Variants in ITGB8 observed in about 807,000 individuals in gnomAD.
ITGB8 encodes integrin beta-8.
In ITGB8, 30 loss-of-function variants were observed where a neutral mutation model predicts 89.5. The ratio of observed to expected loss-of-function variants is 0.34; its 90% CI spans 0.25 to 0.45. The LOEUF (loss-of-function observed/expected upper bound fraction) is 0.45, where lower values mean the gene tolerates loss of function less well. Ranked by LOEUF, ITGB8 falls within the 20% of genes least tolerant of loss-of-function variation. ITGB8 has a pLI of 1.00. For missense variants in ITGB8, 836 were observed against 933.3 expected, an observed-to-expected ratio of 0.90 and a Z score of 1.36; for synonymous variants, 335 against 320.4, an observed-to-expected ratio of 1.05 and a Z score of -0.49.
Position 20,401,715 on chromosome 7 carries a change from A to AT in ITGB8, c.1282-3dup, listed in dbSNP as rs1202823713. ...AAATATATTTCCTTTTTCCTCCTAA[A>AT]TTTAGGTTCTTTTCAATGTAACAGT... is the stretch of plus-strand genomic sequence containing the variant. On this transcript the variant is annotated splice_polypyrimidine_tract_variant and splice_region_variant and intron_variant, in intron 9 of 13. Transcript: ENST00000222573. The AT allele has an allele frequency of 9.3e-6, 14 of 1,513,428 alleles. No individual in the cohort carries two copies. Among genetic ancestry groups the AT allele is most frequent in the Non-Finnish European group, 1.2e-5 (14 of 1,132,552 alleles). 93.7% of individuals were successfully genotyped at this position (1,513,428 alleles called of 1,614,324 possible).
At chr7:20,367,464 C>A (rs929595844) in intron 3 of ITGB8, among the ~76,000 whole-genome samples, 1 of 152,118 alleles carries the variant, frequency 6.6e-6, no homozygotes, top group African/African-American at 2.4e-5. Flanking sequence ...TACTCTACTG[C>A]GAGCCCTAGG....
intron 1 of ITGB8, among the ~76,000 whole-genome samples, chr7:20,350,304 T>A (rs531217616): frequency 6.6e-6 from 1 of 152,248 alleles, no homozygotes; most frequent in African/African-American, 2.4e-5. Flanking sequence ...CCCGCCACCA[T>A]GTCCGGCTAA....
intron 1 of ITGB8, among the ~76,000 whole-genome samples, chr7:20,339,306 C>T (rs1253075228): frequency 6.6e-6 from 1 of 151,788 alleles, no homozygotes; most frequent in East Asian, 1.9e-4. Flanking sequence ...AAGTGAATGA[C>T]TATATAGAAA....
At chr7:20,342,455 C>G (rs550893184) in intron 1 of ITGB8, among the ~76,000 whole-genome samples, 1 of 152,294 alleles carries the variant, frequency 6.6e-6, no homozygotes, top group South Asian at 2.1e-4. Context: ...TTCTAGGCCT[C>G]TAAGGATGCT....
intron 2 of ITGB8, chr7:20,364,534 G>A (rs1263258654): frequency 6.6e-6 from 1 of 152,184 alleles, no homozygotes; most frequent in African/African-American, 2.4e-5. Context: ...TCAGAATAGA[G>A]GCAGGGGAGG....
chr7:20,382,031 A>C, intron 6 of ITGB8, 146 bp downstream of exon 6: 1 of 649,842 alleles, frequency 1.5e-6, no homozygotes, highest in Non-Finnish European at 2.6e-6. Flanking sequence ...GAATTTATGG[A>C]ACAGTGCAAT....
At chr7:20,364,363 C>A (rs1785615047) in intron 2 of ITGB8, among the ~76,000 whole-genome samples, 1 of 152,118 alleles carries the variant, frequency 6.6e-6, no homozygotes, top group Non-Finnish European at 1.5e-5. Context: ...TCTTTAATGG[C>A]TTTTTGCTTG....
At chr7:20,345,380 G>A (rs991254246) in intron 1 of ITGB8, among the ~76,000 whole-genome samples, 1 of 79,752 alleles carries the variant, frequency 1.3e-5, no homozygotes, top group African/African-American at 5.5e-5. Context: ...TTTTGGAGGA[G>A]GACAGACAAA....
intron 1 of ITGB8, among the ~76,000 whole-genome samples, chr7:20,333,505 A>G (rs1784479637): frequency 1.3e-5 from 2 of 152,212 alleles, no homozygotes; most frequent in South Asian, 2.1e-4. Flanking sequence ...TTAACACAGT[A>G]TATTTTGTTC....
chr7:20,381,089 C>T (rs1221814521), intron 5 of ITGB8: 5 of 323,968 alleles, frequency 1.5e-5, no homozygotes, highest in Non-Finnish European at 2.3e-5. Context: ...TCCAAAAGGG[C>T]TGCTTTTCTC....
rs138593316 is a variant in ITGB8, at chr7:20,394,905, C to T, written c.1066C>T (p.Pro356Ser). Residue 356 changes from proline (P) to serine (S), a missense_variant, in exon 8 of 14, where the codon CCC (proline) becomes TCC (serine). Coordinates refer to ENST00000222573, the MANE Select transcript of ITGB8 (RefSeq NM_002214.3). ...KQFHWYKDLL[P>S]LLPGTIAGEI... ...CTGATATGTTTTATAGGATCTTCTA[C>T]CCCTCTTGCCAGGCACCATTGCTGG... The T allele has an allele frequency of 5.0e-6, 8 of 1,611,648 alleles. No individual in the cohort carries two copies. The African/African-American group carries it at 1.1e-4, about 22-fold the overall frequency.
At chr7:20,390,293 G>C (rs1369247639) in intron 6 of ITGB8, among the ~76,000 whole-genome samples, 1 of 152,158 alleles carries the variant, frequency 6.6e-6, no homozygotes, top group Non-Finnish European at 1.5e-5. Flanking sequence ...AATGAGGAGA[G>C]ACTACTGCCA....
chr7:20,334,275 T>C (rs1307574092), intron 1 of ITGB8, among the ~76,000 whole-genome samples: 1 of 152,086 alleles, frequency 6.6e-6, no homozygotes. Context: ...AAATGGTCAA[T>C]AAATAACCAG....
At position 20,331,794 on chromosome 7, in the gene ITGB8, G is replaced by A. The variant is rs1245159393; in HGVS notation, c.-13G>A. 6.2e-7 allele frequency: 1 copy of A among 1,608,652 alleles called. No individual in the cohort carries two copies. The highest frequency in any genetic ancestry group is 1.7e-5 in the Admixed American group (1 of 59,774). ...CAGTCAGGCGGCGGGCGCGGGGCGG[G>A]CTGTTTTGCATTATGTGCGGCTCGG... On this transcript the variant is annotated 5_prime_UTR_variant, in exon 1 of 14. Coordinates refer to ENST00000222573, the MANE Select transcript of ITGB8 (RefSeq NM_002214.3).
intron 3 of ITGB8, among the ~76,000 whole-genome samples, chr7:20,372,430 T>C (rs968907974): frequency 2.0e-5 from 3 of 152,144 alleles, no homozygotes; most frequent in Non-Finnish European, 4.4e-5. Flanking sequence ...TGGTGATTGA[T>C]AGGCCATGTG....
chr7:20,368,302 T>G (rs761556507), intron 3 of ITGB8, among the ~76,000 whole-genome samples: 1 of 152,256 alleles, frequency 6.6e-6, no homozygotes, highest in South Asian at 2.1e-4. Flanking sequence ...TTGCAAAAAA[T>G]TATTTAGTGT....
chr7:20,349,861 A>C (rs2128131091), intron 1 of ITGB8, among the ~76,000 whole-genome samples: 1 of 152,356 alleles, frequency 6.6e-6, no homozygotes, highest in African/African-American at 2.4e-5. Context: ...ACTGGAAATA[A>C]ACTTTATCGA....
At chr7:20,388,764 CTCCTAAT>C (rs2127970440) in intron 6 of ITGB8, among the ~76,000 whole-genome samples, 1 of 152,142 alleles carries the variant, frequency 6.6e-6, no homozygotes, top group African/African-American at 2.4e-5. Context: ...TTAGGTATTT[CTCCTAAT>C]GTTATCCCTC....
At chr7:20,346,264 C>T (rs1784919520) in intron 1 of ITGB8, among the ~76,000 whole-genome samples, 1 of 152,090 alleles carries the variant, frequency 6.6e-6, no homozygotes, top group South Asian at 2.1e-4. Context: ...TCTGTTCAAG[C>T]AAGACAAGAG....
Sources: gnomAD v4.1 joint callset for allele counts (sites outside exome capture counted in the v4.1 genomes callset) on GRCh38, gnomAD v4.1.1 for gene constraint, MANE v1.5 for transcripts, NCBI Gene and HGNC (gene_info 2026-07-23, HGNC 2026-07-21) for gene names.